Variants in PCSK6 observed in about 807,000 individuals in gnomAD.
PCSK6 encodes paired basic amino acid cleaving enzyme 4.
In PCSK6, 85 loss-of-function variants were observed where a neutral mutation model predicts 123.3. The observed-to-expected ratio is 0.69, with a 90% CI of 0.58 to 0.83. PCSK6 has a LOEUF of 0.83. Among genes scored for constraint, PCSK6 ranks in the 40% least tolerant of loss-of-function variants. The pLI is 0.00. For synonymous variants in PCSK6, 508 were observed against 516.0 expected, an observed-to-expected ratio of 0.98 and a Z score of 0.21; for missense variants, 1,191 against 1,282.3, an observed-to-expected ratio of 0.93 and a Z score of 1.09.
intron 15 of PCSK6, among the ~76,000 whole-genome samples, chr15:101,327,589 A>AT (rs2040284889): frequency 6.6e-6 from 1 of 152,114 alleles, no homozygotes. Context: ...ATGAGAGGGG[A>AT]TGGGGAGTGA....
At chr15:101,443,804 C>T (rs887127963) in intron 1 of PCSK6, 144 bp from the exon 2 acceptor site, 1 of 659,326 alleles carries the variant, frequency 1.5e-6, no homozygotes, top group Admixed American at 2.5e-5. Context: ...CTCCTCATAT[C>T]TCTGGCATGT....
intron 11 of PCSK6, among the ~76,000 whole-genome samples, chr15:101,371,892 G>A (rs2041598541): frequency 1.3e-5 from 2 of 152,206 alleles, no homozygotes; most frequent in South Asian, 4.1e-4. Flanking sequence ...CCCTGTCATG[G>A]AAATGGACGA....
intron 13 of PCSK6, chr15:101,365,110 T>C (rs772312908): frequency 4.6e-5 from 32 of 688,796 alleles, no homozygotes; most frequent in Non-Finnish European, 7.8e-5. Flanking sequence ...AAGAATGAGT[T>C]TGGACCCCTA....
intron 17 of PCSK6, among the ~76,000 whole-genome samples, chr15:101,323,590 G>A (rs369880502): frequency 7.2e-5 from 11 of 152,096 alleles, no homozygotes; most frequent in Admixed American, 2.6e-4. Flanking sequence ...AAAATTAGCC[G>A]GGCGTGATGG....
At chr15:101,355,721 G>A (rs2141421868) in intron 13 of PCSK6, among the ~76,000 whole-genome samples, 1 of 152,374 alleles carries the variant, frequency 6.6e-6, no homozygotes, top group East Asian at 1.9e-4. Flanking sequence ...CATGCATCCG[G>A]CATGCCCATG....
At chr15:101,336,840 G>A (rs935614274) in intron 13 of PCSK6, 2 of 152,250 alleles carry the variant, frequency 1.3e-5, no homozygotes, top group Non-Finnish European at 2.9e-5. Context: ...GGAGCTGAGA[G>A]CTGGGAGCTC....
intron 13 of PCSK6, among the ~76,000 whole-genome samples, chr15:101,350,656 T>A: frequency 6.6e-6 from 1 of 152,158 alleles, no homozygotes; most frequent in South Asian, 2.1e-4. Flanking sequence ...GAAAAAAGAA[T>A]GCCTGGTTGC....
intron 19 of PCSK6, among the ~76,000 whole-genome samples, chr15:101,316,988 T>C (rs181551047): frequency 6.7e-6 from 1 of 150,030 alleles, no homozygotes. Context: ...CTCAGCTCCT[T>C]GCAACCTCCA....
intron 2 of PCSK6, among the ~76,000 whole-genome samples, chr15:101,436,154 A>G (rs1241173853): frequency 6.6e-6 from 1 of 152,130 alleles, no homozygotes; most frequent in Admixed American, 6.5e-5. Flanking sequence ...GTGCCTATTC[A>G]GAGGGGCCCT....
At chr15:101,473,689 C>T (rs1484034861) in intron 1 of PCSK6, among the ~76,000 whole-genome samples, 1 of 152,138 alleles carries the variant, frequency 6.6e-6, no homozygotes, top group African/African-American at 2.4e-5. Context: ...ACCAGCCTGG[C>T]CAACATGGTG....
At chr15:101,484,854 G>T (rs1448194484) in intron 1 of PCSK6, among the ~76,000 whole-genome samples, 2 of 152,066 alleles carry the variant, frequency 1.3e-5, no homozygotes, top group East Asian at 3.9e-4. Context: ...TGACTATTTT[G>T]ATTTAGTTCT....
chr15:101,358,613 C>CA (rs1156388210), intron 13 of PCSK6, among the ~76,000 whole-genome samples: 1 of 152,240 alleles, frequency 6.6e-6, no homozygotes, highest in Non-Finnish European at 1.5e-5. Context: ...GCATCGGAGA[C>CA]ATGTCTGTTA....
intron 11 of PCSK6, among the ~76,000 whole-genome samples, chr15:101,381,624 C>T (rs1474735522): frequency 6.6e-6 from 1 of 152,230 alleles, no homozygotes; most frequent in Non-Finnish European, 1.5e-5. Context: ...GACCCAGCTG[C>T]TCCTGCTCAG....
Position 101,326,376 on chromosome 15 carries a change from C to A in PCSK6, c.2180+1G>T. ...CCACAGGGCTGCGGGACATGCATTA[C>A]CTGCTGGTCTTGACACTCCCCAGGC... On this transcript the variant is annotated splice_donor_variant, in intron 16 of 21. Transcript: ENST00000611716. LOFTEE classifies it high-confidence loss of function. The A allele has an allele frequency of 6.4e-7, 1 of 1,566,302 alleles. No individual in the cohort carries two copies. The highest frequency in any genetic ancestry group is 1.2e-5 in the South Asian group (1 of 84,770).
At chr15:101,469,011 C>T (rs1446398526) in intron 1 of PCSK6, among the ~76,000 whole-genome samples, 2 of 152,154 alleles carry the variant, frequency 1.3e-5, no homozygotes, top group African/African-American at 4.8e-5. Flanking sequence ...TGCTGGGATT[C>T]GTACCCAGCT....
At chr15:101,444,310 G>A (rs1189785674) in intron 1 of PCSK6, among the ~76,000 whole-genome samples, 1 of 152,168 alleles carries the variant, frequency 6.6e-6, no homozygotes, top group Non-Finnish European at 1.5e-5. Context: ...CCTTCAAGAA[G>A]GGCTGGCCCT....
chr15:101,313,089 G>C, intron 20 of PCSK6: 1 of 1,352,272 alleles, frequency 7.4e-7, no homozygotes, highest in Non-Finnish European at 9.7e-7. Context: ...ACATGGGCAG[G>C]GACGTCCCGC....
intron 11 of PCSK6, among the ~76,000 whole-genome samples, chr15:101,374,472 T>C (rs1467718831): frequency 6.6e-6 from 1 of 152,252 alleles, no homozygotes; most frequent in East Asian, 1.9e-4. Context: ...TGAAGCCCTC[T>C]CCCCAGGTTG....
chr15:101,485,006 G>A (rs530167755), intron 1 of PCSK6, among the ~76,000 whole-genome samples: 6 of 152,270 alleles, frequency 3.9e-5, no homozygotes, highest in African/African-American at 9.6e-5. Flanking sequence ...CAGCCTCACC[G>A]TGTATCGCCA....
Sources: gnomAD v4.1 joint callset for allele counts (sites outside exome capture counted in the v4.1 genomes callset) on GRCh38, gnomAD v4.1.1 for gene constraint, MANE v1.5 for transcripts, NCBI Gene and HGNC (gene_info 2026-07-23, HGNC 2026-07-21) for gene names.